GPC5: variants seen among roughly 807,000 people sequenced by gnomAD.
GPC5 encodes glypican-5.
GPC5 carries 47 observed loss-of-function variants against 53.9 expected under a neutral mutation model. The observed-to-expected ratio is 0.87, with a 90% CI of 0.69 to 1.11. The LOEUF (loss-of-function observed/expected upper bound fraction) is 1.11, where lower values mean the gene tolerates loss of function less well. GPC5 is among the 50% of genes most tolerant of loss of function. GPC5 has a pLI of 0.00. For missense variants in GPC5, 748 were observed against 713.1 expected (o/e 1.05, Z -0.56); for synonymous variants, 286 against 263.3 (o/e 1.09, Z -0.84).
intron 7 of GPC5, among the ~76,000 whole-genome samples, chr13:92,385,622 TAC>T (rs1383539882): frequency 7.1e-6 from 1 of 140,678 alleles, no homozygotes; most frequent in Non-Finnish European, 1.5e-5. Context: ...TACATATACA[TAC>T]ACATATATAC....
Position 91,571,320 on chromosome 13 carries a change from C to A in GPC5, c.326-121867C>A, listed in dbSNP as rs901725889. ...TAGAGGAAAAATGATTTTTTAGAATCTTTTCTGTTTTGTCCACTTGCTGAG... is the reference window on the plus strand; with the variant it reads ...TAGAGGAAAAATGATTTTTTAGAATATTTTCTGTTTTGTCCACTTGCTGAG... On this transcript the variant is annotated intron_variant, in intron 2 of 7. Transcript: ENST00000377067. Among the ~76,000 whole-genome samples, 9 of 152,172 alleles carry A rather than the reference C, an allele frequency of 5.9e-5. No homozygotes were observed. The East Asian group carries it at 1.7e-3, about 29-fold the overall frequency.
At chr13:91,866,330 GT>G (rs1463348784) in intron 5 of GPC5, among the ~76,000 whole-genome samples, 1 of 152,190 alleles carries the variant, frequency 6.6e-6, no homozygotes, top group East Asian at 1.9e-4. Context: ...TAGTGATATG[GT>G]TTGGATATTT....
At chr13:92,470,717 T>G (rs1878876065) in intron 7 of GPC5, among the ~76,000 whole-genome samples, 1 of 152,170 alleles carries the variant, frequency 6.6e-6, no homozygotes, top group Admixed American at 6.6e-5. Flanking sequence ...TTTTACTGTA[T>G]GTCTGAAAAA....
intron 7 of GPC5, among the ~76,000 whole-genome samples, chr13:92,369,072 T>A (rs993339716): frequency 2.6e-5 from 4 of 152,254 alleles, no homozygotes; most frequent in Non-Finnish European, 5.9e-5. Context: ...ACAAATAAGA[T>A]GCAATCTCTA....
chr13:91,840,504 C>A (rs1487472176), intron 5 of GPC5, among the ~76,000 whole-genome samples: 1 of 151,898 alleles, frequency 6.6e-6, no homozygotes, highest in East Asian at 1.9e-4. Context: ...AGTCAGAATG[C>A]CCTTTCTTAA....
chr13:91,543,761 T>C (rs1205277040), intron 2 of GPC5, among the ~76,000 whole-genome samples: 1 of 152,218 alleles, frequency 6.6e-6, no homozygotes, highest in Non-Finnish European at 1.5e-5. Context: ...AGATTATGTC[T>C]CTTTTTGTTG....
At chr13:91,497,698 G>A (rs1472760385) in intron 2 of GPC5, among the ~76,000 whole-genome samples, 1 of 152,194 alleles carries the variant, frequency 6.6e-6, no homozygotes, top group East Asian at 1.9e-4. Flanking sequence ...AGGAAGGCAG[G>A]GCAGCAGTTT....
intron 7 of GPC5, among the ~76,000 whole-genome samples, chr13:92,381,860 T>TATATATATCATATATATATC (rs1566565192): frequency 1.6e-5 from 1 of 62,716 alleles, no homozygotes; most frequent in African/African-American, 5.2e-5. Flanking sequence ...CATATATGAT[T>TATATATATCATATATATATC]ATATATATCA....
chr13:92,457,100 T>C (rs1016005806), intron 7 of GPC5, among the ~76,000 whole-genome samples: 2 of 152,032 alleles, frequency 1.3e-5, no homozygotes, highest in African/African-American at 4.8e-5. Flanking sequence ...GAACATGCGG[T>C]ATTTGGTTTT....
At chr13:92,130,921 C>CA (rs59249965) in intron 6 of GPC5, among the ~76,000 whole-genome samples, 1 of 150,954 alleles carries the variant, frequency 6.6e-6, no homozygotes, top group African/African-American at 2.4e-5. Context: ...CTAAAAATGG[C>CA]AAAAAATAAG....
chr13:91,952,994 AC>A (rs2040041484), intron 6 of GPC5, among the ~76,000 whole-genome samples: 1 of 152,224 alleles, frequency 6.6e-6, no homozygotes. Flanking sequence ...GCTTAATTCA[AC>A]AAAAAGATAA....
At chr13:91,571,861 G>A (rs2031839004) in intron 2 of GPC5, among the ~76,000 whole-genome samples, 2 of 115,640 alleles carry the variant, frequency 1.7e-5, no homozygotes, top group South Asian at 3.2e-4. Context: ...ACACATATAC[G>A]TGTGTGTATA....
chr13:92,167,706 C>T (rs1487605340), intron 7 of GPC5, among the ~76,000 whole-genome samples: 1 of 151,968 alleles, frequency 6.6e-6, no homozygotes, highest in Non-Finnish European at 1.5e-5. Context: ...TCCTGATAAC[C>T]CATAAACACA....
chr13:91,540,583 C>T (rs1362409582), intron 2 of GPC5, among the ~76,000 whole-genome samples: 1 of 152,100 alleles, frequency 6.6e-6, no homozygotes, highest in East Asian at 1.9e-4. Flanking sequence ...CTTTGGATTG[C>T]ACAATTGAAA....
In GPC5 at chr13:92,552,490, G is replaced by GA. The variant is rs565369197; in HGVS notation, c.1562-313785dup. 1.3e-3 allele frequency among the ~76,000 whole-genome samples: 194 copies of GA among 151,926 alleles called. 1 individual carries two copies. The highest frequency in any genetic ancestry group is 4.5e-3 in the African/African-American group (188 of 41,514). ...TTACTTTGTAAGGGGAAGATAAATG[G>GA]AAAAAAATAGCTTAAAGACTAAACC... is the stretch of plus-strand genomic sequence containing the variant. On this transcript the variant is annotated intron_variant, in intron 7 of 7. Transcript: ENST00000377067.
intron 7 of GPC5, among the ~76,000 whole-genome samples, chr13:92,440,859 A>T (rs911441226): frequency 2.6e-5 from 4 of 151,792 alleles, no homozygotes; most frequent in African/African-American, 9.7e-5. Context: ...ATTTTTTCTT[A>T]TGTTTGTTGG....
chr13:92,596,466 TATA>T (rs980876989), intron 7 of GPC5, among the ~76,000 whole-genome samples: 2 of 151,862 alleles, frequency 1.3e-5, no homozygotes, highest in Non-Finnish European at 2.9e-5. Flanking sequence ...ATATATTCAG[TATA>T]ATAATAATCA....
chr13:92,482,796 C>A (rs1199633096), intron 7 of GPC5, among the ~76,000 whole-genome samples: 5 of 152,008 alleles, frequency 3.3e-5, no homozygotes, highest in Non-Finnish European at 5.9e-5. Flanking sequence ...CATTCTAAAT[C>A]AGTAGGAAGA....
chr13:92,609,438 G>T (rs893548788), intron 7 of GPC5, among the ~76,000 whole-genome samples: 16 of 152,022 alleles, frequency 1.1e-4, no homozygotes, highest in Non-Finnish European at 1.5e-5. Flanking sequence ...AAAAGTAAAA[G>T]GAAAACACTG....
Sources: gnomAD v4.1 joint callset for allele counts (sites outside exome capture counted in the v4.1 genomes callset) on GRCh38, gnomAD v4.1.1 for gene constraint, MANE v1.5 for transcripts, NCBI Gene and HGNC (gene_info 2026-07-23, HGNC 2026-07-21) for gene names.